OCA2: variants seen among roughly 807,000 people sequenced by gnomAD.
OCA2 encodes the protein P protein.
Under a neutral mutation model 100.2 loss-of-function variants are expected in OCA2, and 77 were observed. That is an observed-to-expected ratio of 0.77 (90% CI 0.64 to 0.93). The LOEUF is 0.93. Ranked by LOEUF, OCA2 falls within the 40% of genes least tolerant of loss-of-function variation. The pLI, the probability that OCA2 is intolerant of heterozygous loss-of-function variation, is 0.00. For missense variants in OCA2, 1,062 were observed against 1,089.1 expected, an observed-to-expected ratio of 0.98 and a Z score of 0.35; for synonymous variants, 432 against 439.2, an observed-to-expected ratio of 0.98 and a Z score of 0.21.
chr15:27,968,275 T>C (rs759345432), intron 14 of OCA2, among the ~76,000 whole-genome samples: 23 of 152,144 alleles, frequency 1.5e-4, no homozygotes, highest in Non-Finnish European at 2.8e-4. Flanking sequence ...TCAAGGTCTT[T>C]TCTGTAGTGT....
intron 21 of OCA2, among the ~76,000 whole-genome samples, chr15:27,865,061 A>G (rs1323601067): frequency 6.6e-6 from 1 of 151,982 alleles, no homozygotes; most frequent in Non-Finnish European, 1.5e-5. Flanking sequence ...ATGTGAACAG[A>G]GTTCACCTGT....
intron 3 of OCA2, among the ~76,000 whole-genome samples, chr15:28,030,299 A>G (rs976102571): frequency 2.0e-5 from 3 of 152,062 alleles, no homozygotes; most frequent in African/African-American, 7.2e-5. Flanking sequence ...ATAACCATAG[A>G]TAGCACAGGG....
the OCA2 span, among the ~76,000 whole-genome samples, chr15:27,738,246 C>T: frequency 1.3e-5 from 2 of 152,070 alleles, no homozygotes; most frequent in Non-Finnish European, 2.9e-5. Flanking sequence ...GACCTAGAAA[C>T]AAAAAACAGC....
chr15:27,775,904 AAC>A (rs2032184018), intron 23 of OCA2, among the ~76,000 whole-genome samples: 1 of 152,222 alleles, frequency 6.6e-6, no homozygotes, highest in African/African-American at 2.4e-5. Flanking sequence ...CCTGTCTGCA[AAC>A]ACAGTCACAT....
At position 27,871,228 on chromosome 15, in the gene OCA2, C is replaced by T. The variant is rs772070952; in HGVS notation, c.2170G>A (p.Ala724Thr). 3.7e-6 allele frequency: 6 copies of T among 1,614,092 alleles called. No individual in the cohort carries two copies. Among genetic ancestry groups the T allele is most frequent in the Non-Finnish European group, 5.1e-6 (6 of 1,179,988 alleles). ...GAGACCCACACCACCAGGACAATGG[C>T]GGCTATGAGGCGCTGCTCCTCTGGG... is the stretch of plus-strand genomic sequence containing the variant. ...MVPEEQRLIA[A>T]IVLVVWVSAL... The change falls in exon 21 of 24, where the codon GCC (alanine) becomes ACC (threonine). Residue 724 changes from alanine to threonine, a missense_variant. Transcript: ENST00000354638.
intron 13 of OCA2, among the ~76,000 whole-genome samples, chr15:27,983,778 G>A (rs569942135): frequency 2.8e-4 from 43 of 152,072 alleles, no homozygotes; most frequent in Admixed American, 9.8e-4. Context: ...CTGGCCCCCA[G>A]GGCAGGGCAG....
intron 2 of OCA2, among the ~76,000 whole-genome samples, chr15:28,044,612 A>T (rs777170705): frequency 1.3e-5 from 2 of 152,230 alleles, no homozygotes; most frequent in Admixed American, 6.5e-5. Context: ...ATTAATTAAT[A>T]AGAAGGGGGT....
At chr15:27,826,251 C>T (rs72710527) in intron 23 of OCA2, among the ~76,000 whole-genome samples, 5,643 of 152,202 alleles carry the variant, frequency 0.037, 166 homozygotes, top group Admixed American at 0.074. Context: ...AGTGCTTTTA[C>T]CTAAATGAAA....
At chr15:27,892,206 C>T (rs931982757) in intron 19 of OCA2, among the ~76,000 whole-genome samples, 1 of 151,848 alleles carries the variant, frequency 6.6e-6, no homozygotes, top group African/African-American at 2.4e-5. Flanking sequence ...CAACACTGAA[C>T]CAAAGGGATT....
chr15:27,848,365 T>A (rs1198663940), intron 22 of OCA2, among the ~76,000 whole-genome samples: 1 of 152,236 alleles, frequency 6.6e-6, no homozygotes, highest in South Asian at 2.1e-4. Flanking sequence ...ATTATTCAGA[T>A]GCCAACGATG....
At chr15:28,032,241 C>G (rs2042926937) in intron 2 of OCA2, 78 bp from the exon 3 acceptor site, 2 of 1,080,546 alleles carry the variant, frequency 1.9e-6, no homozygotes, top group Non-Finnish European at 1.4e-6. Context: ...GTGCTAGATT[C>G]AAGAATGTGC....
rs144163918 is a variant in OCA2 at position 27,803,227 on chromosome 15, C to T, written c.2432+41732G>A. On this transcript the variant is annotated intron_variant, in intron 23 of 23. Transcript: ENST00000354638. ...ACAAAATAATCCAGCAACCCCACTT[C>T]GGCATATATACCCAAAGAATTAAAA... is the stretch of plus-strand genomic sequence containing the variant. Among the ~76,000 whole-genome samples, 583 of 152,220 alleles carry T rather than the reference C, an allele frequency of 3.8e-3. 4 individuals are homozygous for T. Among genetic ancestry groups the T allele is most frequent in the African/African-American group, 0.013 (545 of 41,528 alleles).
At chr15:27,862,563 C>T (rs1303519926) in intron 21 of OCA2, among the ~76,000 whole-genome samples, 4 of 151,900 alleles carry the variant, frequency 2.6e-5, no homozygotes, top group African/African-American at 9.7e-5. Context: ...CAACCTCCGC[C>T]CCCTGGGTTC....
At chr15:27,936,383 G>A (rs889478192) in intron 18 of OCA2, among the ~76,000 whole-genome samples, 3 of 152,126 alleles carry the variant, frequency 2.0e-5, no homozygotes, top group African/African-American at 7.2e-5. Flanking sequence ...GCAGAAGGAG[G>A]GAGCACCTAA....
At chr15:27,800,085 T>C (rs1031035193) in intron 23 of OCA2, among the ~76,000 whole-genome samples, 1 of 152,108 alleles carries the variant, frequency 6.6e-6, no homozygotes, top group Admixed American at 6.5e-5. Flanking sequence ...GGAAAGTAAA[T>C]AATGCATTTC....
intron 23 of OCA2, among the ~76,000 whole-genome samples, chr15:27,796,204 C>G (rs928640780): frequency 1.3e-5 from 2 of 152,256 alleles, no homozygotes; most frequent in African/African-American, 4.8e-5. Context: ...ACACCAAGTC[C>G]TGGACATCCA....
the OCA2 span, among the ~76,000 whole-genome samples, chr15:27,741,459 C>A: frequency 6.6e-6 from 1 of 152,120 alleles, no homozygotes; most frequent in East Asian, 1.9e-4. Context: ...GAGCCGGTGT[C>A]GTGACCCCAC....
intron 23 of OCA2, among the ~76,000 whole-genome samples, chr15:27,777,754 T>C (rs2032318404): frequency 6.6e-6 from 1 of 152,210 alleles, no homozygotes; most frequent in African/African-American, 2.4e-5. Context: ...CTCCCTTGCC[T>C]GGCCTGGTGG....
chr15:27,839,117 G>A (rs1165654882), intron 23 of OCA2, among the ~76,000 whole-genome samples: 3 of 152,114 alleles, frequency 2.0e-5, no homozygotes, highest in African/African-American at 7.2e-5. Context: ...GGTCATTTAG[G>A]CAAGAGGTAG....
Sources: gnomAD v4.1 joint callset for allele counts (sites outside exome capture counted in the v4.1 genomes callset) on GRCh38, gnomAD v4.1.1 for gene constraint, MANE v1.5 for transcripts, NCBI Gene and HGNC (gene_info 2026-07-23, HGNC 2026-07-21) for gene names.